The following NEMP1 variants were observed in gnomAD, a reference collection of about 807,000 sequenced individuals.
NEMP1 encodes the protein nuclear envelope integral membrane protein 1.
In NEMP1, 29 loss-of-function variants were observed where a neutral mutation model predicts 53.7. That is an observed-to-expected ratio of 0.54 (90% CI 0.40 to 0.74). The LOEUF (loss-of-function observed/expected upper bound fraction) is 0.74. NEMP1 is among the 30% of genes least tolerant of loss of function. The probability of loss-of-function intolerance (pLI) is 0.00; values close to 1 mark genes in which losing one functional copy is unlikely to be tolerated. For synonymous variants in NEMP1, 193 were observed against 192.9 expected (o/e 1.00, Z 0.00); for missense variants, 477 against 528.6 (o/e 0.90, Z 0.96).
rs1384101968 is a variant in NEMP1 at position 57,059,204 on chromosome 12, C to A, written c.*675G>T. 1 of 152,096 alleles carries A rather than the reference C, an allele frequency of 6.6e-6. No homozygotes were observed. Among genetic ancestry groups the A allele is most frequent in the Non-Finnish European group, 1.5e-5 (1 of 68,036 alleles). The allele number at this position is 152,096 out of a possible 1,614,324, so 9.4% of individuals were successfully genotyped here. On this transcript the variant is annotated 3_prime_UTR_variant, in exon 9 of 9. Coordinates refer to ENST00000300128, the MANE Select transcript of NEMP1 (RefSeq NM_001130963.2). ...GGACTTTCTATCATATGTATGAGAA[C>A]TAAATCAAAGCTTAAAACAACAGCT...
chr12:57,078,583 C>A, intron 1 of NEMP1, 36 bp downstream of exon 1: 1 of 1,592,188 alleles, frequency 6.3e-7, no homozygotes, highest in Non-Finnish European at 8.6e-7. Flanking sequence ...ACCCCCTCGG[C>A]ACCTGCCCCC....
chr12:57,055,662 A>G lies in NEMP1; in HGVS notation c.*4217T>C, dbSNP rs184319819. The G allele has an allele frequency of 1.3e-5, 2 of 152,374 alleles. No individual in the cohort carries two copies. The highest frequency in any genetic ancestry group is 3.9e-4 in the East Asian group (2 of 5,192). The allele number at this position is 152,374 out of a possible 1,614,324, so 9.4% of individuals were successfully genotyped here. A position where few individuals can be genotyped will look rare whatever the true frequency, so the allele number is the denominator to read the frequency against. ...ACAATATATCTATAAAACTTTTATTAAAATTGGAATTAGAAACTATACCAA... is the reference window on the plus strand; with the variant it reads ...ACAATATATCTATAAAACTTTTATTGAAATTGGAATTAGAAACTATACCAA... On this transcript the variant is annotated 3_prime_UTR_variant, in exon 9 of 9. Coordinates refer to ENST00000300128, the MANE Select transcript of NEMP1 (RefSeq NM_001130963.2).
At position 57,063,189 on chromosome 12, in the gene NEMP1, CA is replaced by C; in HGVS notation, c.909del (p.Ala304ProfsTer39). 1 of 1,614,160 alleles carries C rather than the reference CA, an allele frequency of 6.2e-7. No homozygotes were observed. Among genetic ancestry groups the C allele is most frequent in the South Asian group, 1.1e-5 (1 of 91,080 alleles). On this transcript the variant is annotated frameshift_variant, in exon 7 of 9. Transcript: ENST00000300128. LOFTEE classifies it high-confidence loss of function. ...YSGIQIPHIA[L>X]AIIIIALCTK... ...GTACAAAGAGCAATGATGATAATGG[CA>C]AGGGCAATATGTGGTATCTGGATGC...
chr12:57,084,159 C>T (rs746460353), intron 1 of NEMP1, among the ~76,000 whole-genome samples: 18 of 152,254 alleles, frequency 1.2e-4, no homozygotes, highest in African/African-American at 3.9e-4. Context: ...GACGGGGTTT[C>T]GCTATGTTGG....
chr12:57,072,730 C>CT, intron 2 of NEMP1, 58 bp downstream of exon 2: 1 of 1,542,016 alleles, frequency 6.5e-7, no homozygotes, highest in South Asian at 1.2e-5. Context: ...AAAATACTCA[C>CT]TAATCACCAA....
chr12:57,074,399 C>T (rs1461000320), intron 1 of NEMP1, among the ~76,000 whole-genome samples: 1 of 151,160 alleles, frequency 6.6e-6, no homozygotes, highest in African/African-American at 2.4e-5. Context: ...TCCAGCGATT[C>T]TCCCACCTCA....
rs2031990865 is a variant in NEMP1, at chr12:57,064,746, G to GA, written c.546-8dup. On this transcript the variant is annotated splice_region_variant and splice_polypyrimidine_tract_variant and intron_variant, in intron 4 of 8. Transcript: ENST00000300128. Reference sequence around the variant, plus strand: ...GTAGTAGAAAATTTGACTTCTGCAGGAAAAAAATGTATTTCATGACCATAT... The same window carrying GA: ...GTAGTAGAAAATTTGACTTCTGCAGGAAAAAAAATGTATTTCATGACCATAT... 2.5e-6 allele frequency: 4 copies of GA among 1,600,532 alleles called. No homozygotes were observed. The highest frequency in any genetic ancestry group is 3.4e-6 in the Non-Finnish European group (4 of 1,171,212).
chr12:57,087,521 C>T (rs1398107777), intron 1 of NEMP1, among the ~76,000 whole-genome samples: 1 of 152,156 alleles, frequency 6.6e-6, no homozygotes, highest in Non-Finnish European at 1.5e-5. Context: ...GCCGCACCCT[C>T]CAGTTGCGGG....
intron 5 of NEMP1, 56 bp downstream of exon 5, chr12:57,064,590 C>T (rs2031981297): frequency 1.5e-6 from 2 of 1,343,678 alleles, no homozygotes; most frequent in Non-Finnish European, 2.1e-6. Flanking sequence ...CCCAGGAAAA[C>T]AGTCCTTCAG....
intron 6 of NEMP1, among the ~76,000 whole-genome samples, chr12:57,063,654 T>C (rs970913257): frequency 6.6e-6 from 1 of 152,218 alleles, no homozygotes; most frequent in African/African-American, 2.4e-5. Context: ...CAAAGGTTAC[T>C]ATCTATATGA....
At chr12:57,068,353 AT>A (rs562019335) in intron 4 of NEMP1, among the ~76,000 whole-genome samples, 1,539 of 140,556 alleles carry the variant, frequency 0.011, 5 homozygotes, top group African/African-American at 0.012. Context: ...TAAACACTTG[AT>A]TTTTTTTTTT....
chr12:57,056,459 G>A lies in NEMP1; in HGVS notation c.*3420C>T, dbSNP rs1482643539. On this transcript the variant is annotated 3_prime_UTR_variant, in exon 9 of 9. Transcript: ENST00000300128. ...CAGTTAATATGTAATATGAAGGCAT[G>A]ATAAATGTGTCAAACTGTTCTCTTG... 1 of 152,224 alleles carries A rather than the reference G, an allele frequency of 6.6e-6. No homozygotes were observed. The highest frequency in any genetic ancestry group is 1.5e-5 in the Non-Finnish European group (1 of 68,042). The allele number at this position is 152,224 out of a possible 1,614,324, so 9.4% of individuals were successfully genotyped here. A position where few individuals can be genotyped will look rare whatever the true frequency, so the allele number is the denominator to read the frequency against.
At chr12:57,076,099 T>C (rs1042086729) in intron 1 of NEMP1, among the ~76,000 whole-genome samples, 1 of 151,530 alleles carries the variant, frequency 6.6e-6, no homozygotes, top group Admixed American at 6.6e-5. Context: ...AAAAAATAAA[T>C]AAATAAATAA....
intron 7 of NEMP1, 134 bp from the exon 8 acceptor site, chr12:57,061,079 T>C: frequency 6.0e-6 from 5 of 836,936 alleles, no homozygotes; most frequent in South Asian, 5.8e-5. Context: ...AAAAATTCCA[T>C]GGACATCTTT....
intron 4 of NEMP1, among the ~76,000 whole-genome samples, chr12:57,065,530 T>G (rs555617900): frequency 6.6e-6 from 1 of 151,872 alleles, no homozygotes; most frequent in East Asian, 1.9e-4. Context: ...TCTTTTTTTT[T>G]TTTTTTTTTG....
intron 1 of NEMP1, among the ~76,000 whole-genome samples, chr12:57,075,116 G>A (rs1453469626): frequency 2.7e-5 from 4 of 150,204 alleles, no homozygotes; most frequent in East Asian, 2.0e-4. Context: ...GCTGGGCGCC[G>A]TGGCTCACAC....
At chr12:57,081,815 G>A (rs967478664), upstream of NEMP1, among the ~76,000 whole-genome samples, 3 of 151,932 alleles carry the variant, frequency 2.0e-5, no homozygotes, top group African/African-American at 7.3e-5. Flanking sequence ...GCTGAGGCAG[G>A]AGAGTGGTGT....
At position 57,064,138 on chromosome 12, in the gene NEMP1, C is replaced by G. The variant is rs1451290698; in HGVS notation, c.687G>C (p.Leu229=). ...TTTTAAAAACTAGTTGAATGAGGTA[C>G]AGAGAAAAAGACCAGCCTCCCACCA... ...VILVGGWSFS[L]YLIQLVFKNL... The change falls in exon 6 of 9, where the codon CTG becomes CTC. Residue 229 remains leucine (L), a synonymous_variant. Transcript: ENST00000300128. 2 of 1,610,380 alleles carry G rather than the reference C, an allele frequency of 1.2e-6. No individual in the cohort carries two copies. The highest frequency in any genetic ancestry group is 1.7e-6 in the Non-Finnish European group (2 of 1,178,806).
intron 4 of NEMP1, 73 bp from the exon 5 acceptor site, chr12:57,064,812 T>C: frequency 9.2e-7 from 1 of 1,088,262 alleles, no homozygotes; most frequent in Admixed American, 2.1e-5. Context: ...CTAGGACAAC[T>C]AACCCAGCCG....
Sources: gnomAD v4.1 joint callset for allele counts (sites outside exome capture counted in the v4.1 genomes callset) on GRCh38, gnomAD v4.1.1 for gene constraint, MANE v1.5 for transcripts, NCBI Gene and HGNC (gene_info 2026-07-23, HGNC 2026-07-21) for gene names.